TEAD1: variants seen among roughly 807,000 people sequenced by gnomAD.
TEAD1 encodes the protein transcriptional enhancer factor TEF-1.
Under a neutral mutation model 54.9 loss-of-function variants are expected in TEAD1, and 9 were observed. The observed-to-expected ratio is 0.16, with a 90% CI of 0.10 to 0.29. The LOEUF is 0.29. Ranked by LOEUF, TEAD1 falls within the 10% of genes least tolerant of loss-of-function variation. The pLI, the probability that TEAD1 is intolerant of heterozygous loss-of-function variation, is 1.00. For missense variants in TEAD1, 387 were observed against 535.9 expected, an observed-to-expected ratio of 0.72 and a Z score of 2.74; for synonymous variants, 200 against 187.8, an observed-to-expected ratio of 1.07 and a Z score of -0.53.
At chr11:12,750,145 G>A (rs1231302184) in intron 2 of TEAD1, among the ~76,000 whole-genome samples, 1 of 152,112 alleles carries the variant, frequency 6.6e-6, no homozygotes, top group Non-Finnish European at 1.5e-5. Context: ...AGCTCGTGTC[G>A]GCATTAGTTG....
rs189465308 is a variant in TEAD1 at position 12,803,759 on chromosome 11, C to T, written c.202+39325C>T. On this transcript the variant is annotated intron_variant, in intron 3 of 12. Coordinates refer to ENST00000527636, the MANE Select transcript of TEAD1 (RefSeq NM_021961.6). ...TTTCACAAAATGAGGTCTCCTGTAT[C>T]CTTCACAGCAAACCTGCTAACGAGG... is the stretch of plus-strand genomic sequence containing the variant. 3.3e-3 allele frequency among the ~76,000 whole-genome samples: 498 copies of T among 152,318 alleles called. 1 individual carries two copies. The highest frequency in any genetic ancestry group is 6.1e-3 in the Non-Finnish European group (414 of 68,024).
intron 5 of TEAD1, among the ~76,000 whole-genome samples, chr11:12,876,480 G>A (rs911922587): frequency 1.3e-5 from 2 of 152,116 alleles, no homozygotes; most frequent in Non-Finnish European, 2.9e-5. Context: ...TCAAATACGT[G>A]GAACTCTTCG....
At chr11:12,860,078 C>T (rs749168122) in intron 3 of TEAD1, among the ~76,000 whole-genome samples, 22 of 152,062 alleles carry the variant, frequency 1.4e-4, no homozygotes, top group Non-Finnish European at 2.4e-4. Context: ...TGGGAGTGTT[C>T]CAAAGCTTGT....
intron 2 of TEAD1, among the ~76,000 whole-genome samples, chr11:12,732,195 T>A (rs967772754): frequency 6.6e-6 from 1 of 152,164 alleles, no homozygotes; most frequent in Non-Finnish European, 1.5e-5. Flanking sequence ...ATAGACTCTA[T>A]CATCCTTCAT....
intron 10 of TEAD1, among the ~76,000 whole-genome samples, chr11:12,918,922 G>C (rs57162226): frequency 6.6e-6 from 1 of 152,284 alleles, no homozygotes; most frequent in East Asian, 1.9e-4. Context: ...TCAGAAACCA[G>C]ACAAAACTAA....
chr11:12,699,540 CTT>C lies in TEAD1; in HGVS notation c.-55+23980_-55+23981del, dbSNP rs1159755890. Among the ~76,000 whole-genome samples, 6 of 152,256 alleles carry C rather than the reference CTT, an allele frequency of 3.9e-5. No individual in the cohort carries two copies. In the East Asian group the frequency reaches 9.6e-4, roughly 24 times the overall value. ...CAGCCTTTGCAATGGAATTTTGAAA[CTT>C]ATATCTTCTGTGGGGTTATTCATAG... On this transcript the variant is annotated intron_variant, in intron 2 of 12. Transcript: ENST00000527636.
At chr11:12,852,644 C>T (rs1290937581) in intron 3 of TEAD1, among the ~76,000 whole-genome samples, 1 of 152,080 alleles carries the variant, frequency 6.6e-6, no homozygotes, top group Non-Finnish European at 1.5e-5. Flanking sequence ...GACGGGGTTT[C>T]ACCATGTTGG....
intron 2 of TEAD1, among the ~76,000 whole-genome samples, chr11:12,747,734 C>T (rs1426377801): frequency 6.6e-6 from 1 of 152,198 alleles, no homozygotes; most frequent in Non-Finnish European, 1.5e-5. Context: ...ATAATATATG[C>T]ATTGACTGTT....
intron 2 of TEAD1, among the ~76,000 whole-genome samples, chr11:12,740,505 C>T (rs988994156): frequency 2.0e-5 from 3 of 152,068 alleles, no homozygotes; most frequent in African/African-American, 4.8e-5. Context: ...CATACCTGAA[C>T]GTGGGTAATT....
chr11:12,836,629 T>C (rs555508340), intron 3 of TEAD1, among the ~76,000 whole-genome samples: 1 of 152,296 alleles, frequency 6.6e-6, no homozygotes, highest in East Asian at 1.9e-4. Context: ...ATTTCAAATA[T>C]ATGCTACAGG....
intron 2 of TEAD1, among the ~76,000 whole-genome samples, chr11:12,732,332 A>G (rs970884952): frequency 6.6e-6 from 1 of 152,192 alleles, no homozygotes; most frequent in Non-Finnish European, 1.5e-5. Context: ...CCAAGACCAT[A>G]TCCTATTAAT....
intron 3 of TEAD1, among the ~76,000 whole-genome samples, chr11:12,818,984 T>C (rs1368421716): frequency 6.6e-6 from 1 of 152,204 alleles, no homozygotes; most frequent in Non-Finnish European, 1.5e-5. Context: ...TCAGGACTCA[T>C]ATATTCAATT....
intron 2 of TEAD1, among the ~76,000 whole-genome samples, chr11:12,716,845 C>T (rs1054283305): frequency 6.6e-6 from 1 of 152,222 alleles, no homozygotes; most frequent in Non-Finnish European, 1.5e-5. Flanking sequence ...GTTTGCCAGC[C>T]CTCTTCTAAG....
chr11:12,805,160 G>A (rs2133980600), intron 3 of TEAD1, among the ~76,000 whole-genome samples: 1 of 152,302 alleles, frequency 6.6e-6, no homozygotes, highest in African/African-American at 2.4e-5. Context: ...ACAATATAAT[G>A]AATCTCCTTT....
chr11:12,771,905 G>A (rs957570249), intron 3 of TEAD1, among the ~76,000 whole-genome samples: 13 of 152,186 alleles, frequency 8.5e-5, no homozygotes, highest in Non-Finnish European at 1.8e-4. Flanking sequence ...ACTATCAACA[G>A]AAACACTCAA....
chr11:12,820,721 A>G (rs1307183375), intron 3 of TEAD1, among the ~76,000 whole-genome samples: 2 of 151,434 alleles, frequency 1.3e-5, no homozygotes, highest in East Asian at 1.9e-4. Flanking sequence ...GGACAAAGAA[A>G]AACCCTTGGC....
intron 3 of TEAD1, among the ~76,000 whole-genome samples, chr11:12,782,322 G>C (rs1196650059): frequency 6.6e-6 from 1 of 152,184 alleles, no homozygotes; most frequent in Non-Finnish European, 1.5e-5. Context: ...GATGACACTT[G>C]AAAACTGTGC....
intron 2 of TEAD1, among the ~76,000 whole-genome samples, chr11:12,694,349 C>T (rs1032560658): frequency 6.6e-6 from 1 of 151,710 alleles, no homozygotes; most frequent in South Asian, 2.1e-4. Context: ...GCCTGCCAAG[C>T]TCTGGCCTGT....
chr11:12,729,068 G>C (rs940358216), intron 2 of TEAD1, among the ~76,000 whole-genome samples: 1 of 152,194 alleles, frequency 6.6e-6, no homozygotes, highest in African/African-American at 2.4e-5. Context: ...TCTAATATTA[G>C]AGGAGCCTTG....
Sources: allele counts gnomAD v4.1 joint callset (sites outside exome capture counted in the v4.1 genomes callset), GRCh38; gene constraint gnomAD v4.1.1; transcripts MANE v1.5; gene names NCBI Gene and HGNC (gene_info 2026-07-23, HGNC 2026-07-21).